Variants in AMZ1 observed in about 807,000 individuals in gnomAD.
The protein encoded by AMZ1 is archaelysin family metallopeptidase 1.
In AMZ1, 39 loss-of-function variants were observed where a neutral mutation model predicts 29.9. That is an observed-to-expected ratio of 1.30 (90% CI 1.01 to 1.70). AMZ1 has a LOEUF of 1.70. Among genes scored for constraint, AMZ1 ranks in the 40% most tolerant of loss-of-function variants. AMZ1 has a pLI of 0.00. For missense variants in AMZ1, 1,041 were observed against 680.6 expected (o/e 1.53, Z -5.89); for synonymous variants, 458 against 304.0 (o/e 1.51, Z -5.27).
Position 2,700,386 on chromosome 7 carries a change from G to A in AMZ1, c.-66G>A, listed in dbSNP as rs565377964. 236 of 1,534,532 alleles carry A rather than the reference G, an allele frequency of 1.5e-4. 1 individual carries two copies. The African/African-American group carries it at 2.4e-3, about 16-fold the overall frequency. On this transcript the variant is annotated 5_prime_UTR_variant, in exon 2 of 7. Coordinates refer to ENST00000683327, the MANE Select transcript of AMZ1 (RefSeq NM_001384743.1). ...GAAGATTCTGGACGAGACCGTGGCC[G>A]TCCCCCGGGTGGCCCATGGACAGCA... is the stretch of plus-strand genomic sequence containing the variant.
chr7:2,699,859 G>C (rs1021493085), intron 1 of AMZ1, among the ~76,000 whole-genome samples: 1 of 152,188 alleles, frequency 6.6e-6, no homozygotes, highest in South Asian at 2.1e-4. Flanking sequence ...TGGCTGGTAA[G>C]AGGGAATGGA....
At chr7:2,702,369 A>T in intron 2 of AMZ1, 1 of 236,184 alleles carries the variant, frequency 4.2e-6, no homozygotes, top group Non-Finnish European at 8.2e-6. Flanking sequence ...GGCATTTTGC[A>T]GCGAGGTGGC....
At chr7:2,709,510 G>A (rs1331615291) in intron 5 of AMZ1, 130 bp from the exon 6 acceptor site, 3 of 1,380,126 alleles carry the variant, frequency 2.2e-6, no homozygotes, top group East Asian at 4.8e-5. Flanking sequence ...CAGGGGGAGG[G>A]CGCCTGGACC....
chr7:2,746,634 C>T (rs1229457129), intron 4 of AMZ1, among the ~76,000 whole-genome samples: 11 of 152,106 alleles, frequency 7.2e-5, no homozygotes, highest in Non-Finnish European at 1.5e-4. Context: ...CAAACACATT[C>T]AAAAGCCAGC....
In AMZ1 at chr7:2,713,093, T is replaced by C. The variant is rs957286939; in HGVS notation, c.*215T>C. On this transcript the variant is annotated 3_prime_UTR_variant, in exon 7 of 7. Coordinates refer to ENST00000683327, the MANE Select transcript of AMZ1 (RefSeq NM_001384743.1). ...CCTCTACAAAAGAAAAATTAAAAAA[T>C]TAGCTGGATGAAGTGGTTCATGCCT... is the stretch of plus-strand genomic sequence containing the variant. 2.2e-6 allele frequency: 1 copy of C among 454,954 alleles called. No homozygotes were observed. Among genetic ancestry groups the C allele is most frequent in the Non-Finnish European group, 3.7e-6 (1 of 270,862 alleles). The allele number at this position is 454,954 out of a possible 1,614,324, so 28.2% of individuals were successfully genotyped here. A position where few individuals can be genotyped will look rare whatever the true frequency, so the allele number is the denominator to read the frequency against.
In AMZ1 at chr7:2,717,882, G is replaced by C. The variant is rs981656236; in HGVS notation, c.*5004G>C. Among the ~76,000 whole-genome samples, 1 of 152,192 alleles carries C rather than the reference G, an allele frequency of 6.6e-6. No homozygotes were observed. Among genetic ancestry groups the C allele is most frequent in the Non-Finnish European group, 1.5e-5 (1 of 68,034 alleles). On this transcript the variant is annotated 3_prime_UTR_variant, in exon 7 of 7. Transcript: ENST00000683327. ...TTTTAAAAAGCAATTTCCAAGAAGC[G>C]TCCTGGGGTCACCACGCGTTCAGTC...
intron 4 of AMZ1, among the ~76,000 whole-genome samples, chr7:2,726,102 C>T (rs780862624): frequency 1.3e-5 from 2 of 152,196 alleles, no homozygotes; most frequent in South Asian, 2.1e-4. Flanking sequence ...GCAATCATTT[C>T]GGAAAGAGAC....
chr7:2,701,111 A>T (rs888854247), intron 2 of AMZ1, among the ~76,000 whole-genome samples: 6 of 152,124 alleles, frequency 3.9e-5, no homozygotes, highest in Admixed American at 3.9e-4. Context: ...CACACCTGTA[A>T]TCCCAGCTAT....
intron 3 of AMZ1, among the ~76,000 whole-genome samples, chr7:2,703,279 G>C (rs1035229539): frequency 5.3e-5 from 8 of 152,246 alleles, no homozygotes; most frequent in African/African-American, 1.9e-4. Flanking sequence ...GAGTAGCTGG[G>C]ACTAAAAGCG....
rs188536015 is a variant in AMZ1 at position 2,725,919 on chromosome 7, G to C, written n.550+16103G>C. 7.4e-5 allele frequency among the ~76,000 whole-genome samples: 10 copies of C among 134,710 alleles called. No homozygotes were observed. The South Asian group carries it at 2.4e-3, about 32-fold the overall frequency. The allele number at this position is 134,710 out of a possible 152,430, so 88.4% of individuals were successfully genotyped here. ...CTGTATACAGGCGTCCAGCCCGCCCGCTGCAGTCCCCCCACCGACTCTCAG... is the reference window on the plus strand; with the variant it reads ...CTGTATACAGGCGTCCAGCCCGCCCCCTGCAGTCCCCCCACCGACTCTCAG... On this transcript the variant is annotated intron_variant and non_coding_transcript_variant, in intron 4 of 4. Transcript: ENST00000489665.
chr7:2,691,832 G>T (rs991423489), intron 1 of AMZ1, among the ~76,000 whole-genome samples: 11 of 152,040 alleles, frequency 7.2e-5, no homozygotes, highest in African/African-American at 2.7e-4. Context: ...CGCAGGTATT[G>T]CTATCTGTTT....
Position 2,712,980 on chromosome 7 carries a change from C to T in AMZ1, c.*102C>T. 7.7e-7 allele frequency: 1 copy of T among 1,302,378 alleles called. No individual in the cohort carries two copies. Among genetic ancestry groups the T allele is most frequent in the Non-Finnish European group, 1.0e-6 (1 of 999,860 alleles). The allele number at this position is 1,302,378 out of a possible 1,614,324, so 80.7% of individuals were successfully genotyped here. Reference sequence around the variant, plus strand: ...CCTGCCAGGGATAAAGAGGAAGGGTCTGCCTGGGTGGTGGCTCAGGCCTGT... The same window carrying T: ...CCTGCCAGGGATAAAGAGGAAGGGTTTGCCTGGGTGGTGGCTCAGGCCTGT... On this transcript the variant is annotated 3_prime_UTR_variant, in exon 7 of 7. Coordinates refer to ENST00000683327, the MANE Select transcript of AMZ1 (RefSeq NM_001384743.1).
At chr7:2,746,350 G>C (rs1446572840) in intron 4 of AMZ1, among the ~76,000 whole-genome samples, 1 of 152,122 alleles carries the variant, frequency 6.6e-6, no homozygotes, top group Non-Finnish European at 1.5e-5. Flanking sequence ...AATCAAACTA[G>C]AACTCAGGAT....
Position 2,716,663 on chromosome 7 carries a change from C to G in AMZ1, c.*3785C>G, listed in dbSNP as rs1004345496. On this transcript the variant is annotated 3_prime_UTR_variant, in exon 7 of 7. Coordinates refer to ENST00000683327, the MANE Select transcript of AMZ1 (RefSeq NM_001384743.1). ...CAAGGGAGCTGCTCTGCAGACCCACCAGGCAGGGACGGCCAGGCCTCGGAG... is the reference window on the plus strand; with the variant it reads ...CAAGGGAGCTGCTCTGCAGACCCACGAGGCAGGGACGGCCAGGCCTCGGAG... 10 of 152,378 alleles carry G rather than the reference C, an allele frequency of 6.6e-5. No individual in the cohort carries two copies. Among genetic ancestry groups the G allele is most frequent in the South Asian group, 4.1e-4 (2 of 4,828 alleles). 9.4% of individuals were successfully genotyped at this position (152,378 alleles called of 1,614,324 possible). A position where few individuals can be genotyped will look rare whatever the true frequency, so the allele number is the denominator to read the frequency against.
chr7:2,721,543 T>A (rs798547), downstream of AMZ1, among the ~76,000 whole-genome samples: 1 of 151,916 alleles, frequency 6.6e-6, no homozygotes, highest in Non-Finnish European at 1.5e-5. Flanking sequence ...GGTGAAGCCC[T>A]GTCTCTACTA....
At chr7:2,726,822 G>A (rs1048392711) in intron 4 of AMZ1, among the ~76,000 whole-genome samples, 4 of 152,188 alleles carry the variant, frequency 2.6e-5, no homozygotes, top group Non-Finnish European at 5.9e-5. Flanking sequence ...AGGACCGGAC[G>A]GTGCCCTTGC....
intron 5 of AMZ1, 110 bp downstream of exon 5, chr7:2,709,354 C>G (rs1389678516): frequency 2.1e-5 from 25 of 1,208,646 alleles, no homozygotes; most frequent in Non-Finnish European, 1.6e-5. Flanking sequence ...GGATGGACCC[C>G]TAACTCTATG....
intron 5 of AMZ1, 104 bp from the exon 6 acceptor site, chr7:2,709,536 G>C: frequency 1.4e-6 from 2 of 1,480,612 alleles, no homozygotes; most frequent in Non-Finnish European, 1.8e-6. Flanking sequence ...CCGGCCATCT[G>C]GCCTCACCCA....
chr7:2,700,377 A>C lies in AMZ1; in HGVS notation c.-75A>C. 1.3e-6 allele frequency: 2 copies of C among 1,512,388 alleles called. No homozygotes were observed. The highest frequency in any genetic ancestry group is 1.8e-6 in the Non-Finnish European group (2 of 1,126,044). 93.7% of individuals were successfully genotyped at this position (1,512,388 alleles called of 1,614,324 possible). On this transcript the variant is annotated 5_prime_UTR_variant, in exon 2 of 7. Transcript: ENST00000683327. ...AGCCCGAGGGAAGATTCTGGACGAG[A>C]CCGTGGCCGTCCCCCGGGTGGCCCA...
Sources: gnomAD v4.1 joint callset for allele counts (sites outside exome capture counted in the v4.1 genomes callset) on GRCh38, gnomAD v4.1.1 for gene constraint, MANE v1.5 for transcripts, NCBI Gene and HGNC (gene_info 2026-07-23, HGNC 2026-07-21) for gene names.